Variants in POU6F2 observed in about 807,000 individuals in gnomAD.
The protein encoded by POU6F2 is POU class 6 homeobox 2.
In POU6F2, 31 loss-of-function variants were observed where a neutral mutation model predicts 71.3. That is an observed-to-expected ratio of 0.43 (90% confidence interval 0.33 to 0.59). The LOEUF is 0.59. POU6F2 is among the 20% of genes least tolerant of loss of function. The pLI is 0.04. For synonymous variants in POU6F2, 347 were observed against 355.7 expected (o/e 0.98, Z 0.27); for missense variants, 783 against 856.8 (o/e 0.91, Z 1.07).
chr7:39,439,427 C>G (rs1329010764), intron 7 of POU6F2, among the ~76,000 whole-genome samples: 1 of 152,150 alleles, frequency 6.6e-6, no homozygotes, highest in African/African-American at 2.4e-5. Context: ...ATTTTTCACA[C>G]TAGTTGATGC....
In POU6F2 at chr7:38,994,666, G is replaced by A. The variant is rs560426981; in HGVS notation, c.105+16608G>A. On this transcript the variant is annotated intron_variant, in intron 1 of 9. Coordinates refer to ENST00000518318, the MANE Select transcript of POU6F2 (RefSeq NM_001370959.1). Reference sequence around the variant, plus strand: ...GTTGTGTGGTCAGAGAATCCAGCTGGCTCTGTTTTGTTTTCCCCACTTCCC... The same window carrying A: ...GTTGTGTGGTCAGAGAATCCAGCTGACTCTGTTTTGTTTTCCCCACTTCCC... Among the ~76,000 whole-genome samples, 701 of 152,074 alleles carry A rather than the reference G, an allele frequency of 4.6e-3. 4 individuals are homozygous for A. The highest frequency in any genetic ancestry group is 5.1e-3 in the Non-Finnish European group (347 of 67,986).
chr7:39,022,438 G>A (rs150164981), intron 1 of POU6F2, among the ~76,000 whole-genome samples: 116 of 152,068 alleles, frequency 7.6e-4, no homozygotes, highest in African/African-American at 2.6e-3. Context: ...ACAGATGTGC[G>A]CTTCAATCAG....
intron 1 of POU6F2, among the ~76,000 whole-genome samples, chr7:38,988,999 G>A (rs1246063593): frequency 6.6e-6 from 1 of 151,860 alleles, no homozygotes; most frequent in Non-Finnish European, 1.5e-5. Context: ...TTGTACTTGG[G>A]CTCCAAATGG....
At chr7:39,411,724 C>G (rs1005199186) in intron 6 of POU6F2, among the ~76,000 whole-genome samples, 1 of 151,994 alleles carries the variant, frequency 6.6e-6, no homozygotes, top group Non-Finnish European at 1.5e-5. Context: ...ACCACAAGGC[C>G]GTGATGAAAG....
intron 4 of POU6F2, among the ~76,000 whole-genome samples, chr7:39,283,500 C>A (rs889040949): frequency 1.3e-5 from 2 of 152,142 alleles, no homozygotes; most frequent in African/African-American, 4.8e-5. Context: ...CTCTAGGTAT[C>A]TCATGTAAAT....
At chr7:39,401,456 A>C (rs1787302210) in intron 5 of POU6F2, among the ~76,000 whole-genome samples, 1 of 152,204 alleles carries the variant, frequency 6.6e-6, no homozygotes, top group Non-Finnish European at 1.5e-5. Context: ...GATAAAACAC[A>C]CATCAACCAC....
At chr7:39,141,158 G>A (rs1041580127) in intron 2 of POU6F2, among the ~76,000 whole-genome samples, 2 of 152,136 alleles carry the variant, frequency 1.3e-5, no homozygotes, top group Non-Finnish European at 2.9e-5. Flanking sequence ...CTGTTTTTGT[G>A]TTCTCTTCCT....
chr7:39,061,200 T>C (rs1790649238), intron 1 of POU6F2, among the ~76,000 whole-genome samples: 1 of 152,216 alleles, frequency 6.6e-6, no homozygotes, highest in South Asian at 2.1e-4. Flanking sequence ...TAATAGGATT[T>C]CACAGGAGAC....
At chr7:39,051,870 C>T (rs1026671875) in intron 1 of POU6F2, among the ~76,000 whole-genome samples, 1 of 152,106 alleles carries the variant, frequency 6.6e-6, no homozygotes, top group African/African-American at 2.4e-5. Context: ...CATTTATTCT[C>T]TGCTTACTGA....
At chr7:39,169,747 G>T (rs1165953814) in intron 2 of POU6F2, among the ~76,000 whole-genome samples, 1 of 152,034 alleles carries the variant, frequency 6.6e-6, no homozygotes, top group Non-Finnish European at 1.5e-5. Context: ...TTGGTTGAAT[G>T]ATTGGATAAA....
intron 2 of POU6F2, among the ~76,000 whole-genome samples, chr7:39,130,390 G>A (rs555527898): frequency 7.2e-4 from 109 of 152,024 alleles, no homozygotes; most frequent in Non-Finnish European, 1.3e-3. Flanking sequence ...TGATTTAGAC[G>A]CACATGGGCC....
chr7:39,033,203 T>C (rs1356471449), intron 1 of POU6F2, among the ~76,000 whole-genome samples: 1 of 152,206 alleles, frequency 6.6e-6, no homozygotes, highest in Non-Finnish European at 1.5e-5. Context: ...ACATATATAT[T>C]AGGCTGAGGA....
chr7:39,076,869 T>TACACAC (rs67222549), intron 1 of POU6F2, among the ~76,000 whole-genome samples: 6 of 150,264 alleles, frequency 4.0e-5, no homozygotes, highest in African/African-American at 7.3e-5. Context: ...AATGTTGAGA[T>TACACAC]ACACACACAC....
intron 4 of POU6F2, among the ~76,000 whole-genome samples, chr7:39,313,166 C>T (rs111448467): frequency 6.6e-5 from 10 of 152,202 alleles, no homozygotes; most frequent in Admixed American, 2.0e-4. Context: ...GCCCCATCCC[C>T]GACTCCATTC....
At chr7:39,381,507 G>A (rs1316439934) in intron 5 of POU6F2, among the ~76,000 whole-genome samples, 3 of 152,098 alleles carry the variant, frequency 2.0e-5, no homozygotes, top group African/African-American at 7.2e-5. Context: ...CTCCCAAAGT[G>A]CTAGGATTGC....
chr7:39,029,491 G>T (rs1789890118), intron 1 of POU6F2, among the ~76,000 whole-genome samples: 1 of 150,934 alleles, frequency 6.6e-6, no homozygotes, highest in Non-Finnish European at 1.5e-5. Context: ...AACATTTCTG[G>T]GAGGGGGGGG....
chr7:39,414,970 C>A (rs1787641804), intron 6 of POU6F2, among the ~76,000 whole-genome samples: 1 of 151,972 alleles, frequency 6.6e-6, no homozygotes, highest in Admixed American at 6.6e-5. Context: ...GGGATGCTGT[C>A]ACTTTTCCCA....
chr7:39,243,653 C>T (rs1488650019), intron 4 of POU6F2, among the ~76,000 whole-genome samples: 1 of 151,812 alleles, frequency 6.6e-6, no homozygotes, highest in Non-Finnish European at 1.5e-5. Context: ...ATTGTAGTAT[C>T]AGTAATTTAT....
At chr7:39,222,771 T>TTGTA (rs1269021497) in intron 4 of POU6F2, among the ~76,000 whole-genome samples, 3 of 152,238 alleles carry the variant, frequency 2.0e-5, no homozygotes, top group Non-Finnish European at 4.4e-5. Flanking sequence ...TAATATTCCA[T>TTGTA]TGTATGTATA....
Sources: gnomAD v4.1 joint callset for allele counts (sites outside exome capture counted in the v4.1 genomes callset) on GRCh38, gnomAD v4.1.1 for gene constraint, MANE v1.5 for transcripts, NCBI Gene and HGNC (gene_info 2026-07-23, HGNC 2026-07-21) for gene names.